Variants in MS4A10 observed in about 807,000 individuals in gnomAD.
The protein encoded by MS4A10 is membrane-spanning 4-domains subfamily A member 10.
MS4A10 carries 27 observed loss-of-function variants against 27.7 expected under a neutral mutation model. That is an observed-to-expected ratio of 0.98 (90% CI 0.72 to 1.35). The LOEUF is 1.35. MS4A10 is among the 40% of genes most tolerant of loss of function. The probability of loss-of-function intolerance (pLI) is 0.00; values close to 1 mark genes in which losing one functional copy is unlikely to be tolerated. For missense variants in MS4A10, 338 were observed against 324.7 expected, an observed-to-expected ratio of 1.04 and a Z score of -0.32; for synonymous variants, 139 against 131.2, an observed-to-expected ratio of 1.06 and a Z score of -0.41.
At chr11:60,798,821 C>A (rs913262923) in intron 7 of MS4A10, among the ~76,000 whole-genome samples, 1 of 152,218 alleles carries the variant, frequency 6.6e-6, no homozygotes, top group African/African-American at 2.4e-5. Flanking sequence ...CCAGAGCAAA[C>A]CCCTGGGCCT....
chr11:60,791,936 C>T (rs1002898562), intron 3 of MS4A10, among the ~76,000 whole-genome samples: 2 of 152,208 alleles, frequency 1.3e-5, no homozygotes, highest in Non-Finnish European at 2.9e-5. Flanking sequence ...GGGGATAGTG[C>T]CACTGATCCC....
intron 1 of MS4A10, among the ~76,000 whole-genome samples, chr11:60,787,713 G>A (rs555123392): frequency 1.3e-5 from 2 of 152,050 alleles, no homozygotes; most frequent in South Asian, 4.2e-4. Context: ...GTTAGACAAT[G>A]AGAAAAAAAA....
chr11:60,793,808 G>A (rs971677109), intron 4 of MS4A10, among the ~76,000 whole-genome samples, 164 bp from the exon 5 acceptor site: 6 of 152,236 alleles, frequency 3.9e-5, no homozygotes, highest in Non-Finnish European at 8.8e-5. Context: ...TCAATCCTGT[G>A]TGAGGGGCTG....
intron 1 of MS4A10, among the ~76,000 whole-genome samples, chr11:60,789,645 A>T (rs986109901): frequency 9.2e-5 from 14 of 152,230 alleles, no homozygotes; most frequent in African/African-American, 2.9e-4. Context: ...CAAGTGGCTT[A>T]ACCTTTCTGA....
intron 6 of MS4A10, among the ~76,000 whole-genome samples, chr11:60,796,849 AT>A (rs1166637729): frequency 2.0e-5 from 3 of 152,174 alleles, no homozygotes. Flanking sequence ...AAGAAAAAAA[AT>A]AAATAAAAAA....
At chr11:60,792,398 T>A in intron 4 of MS4A10, 77 bp downstream of exon 4, 1 of 1,126,436 alleles carries the variant, frequency 8.9e-7, no homozygotes, top group South Asian at 1.2e-5. Context: ...TCTGTAGGGG[T>A]GATTGTGAGG....
intron 7 of MS4A10, 65 bp downstream of exon 7, chr11:60,798,579 A>G: frequency 1.6e-6 from 2 of 1,261,320 alleles, no homozygotes; most frequent in South Asian, 1.2e-5. Context: ...TCTCCCTGGC[A>G]TAGATAGAAA....
At chr11:60,796,237 G>A (rs1024203084) in intron 6 of MS4A10, among the ~76,000 whole-genome samples, 23 of 147,120 alleles carry the variant, frequency 1.6e-4, no homozygotes, top group African/African-American at 4.9e-4. Context: ...GGATATAGAC[G>A]TGCAGATATA....
intron 5 of MS4A10, among the ~76,000 whole-genome samples, chr11:60,794,657 A>C (rs1398545983): frequency 6.6e-6 from 1 of 152,080 alleles, no homozygotes; most frequent in Non-Finnish European, 1.5e-5. Context: ...GCCAGGCTCC[A>C]AGAATTCTTT....
intron 3 of MS4A10, 55 bp downstream of exon 3, chr11:60,791,148 G>T: frequency 1.2e-6 from 2 of 1,603,326 alleles, no homozygotes; most frequent in African/African-American, 1.3e-5. Context: ...GCAGGCCTGG[G>T]AGGCCCTGGC....
chr11:60,799,872 C>T lies in MS4A10; in HGVS notation c.767C>T (p.Thr256Ile), dbSNP rs373775637. The T allele has an allele frequency of 4.5e-5, 73 of 1,612,206 alleles. No homozygotes were observed. Among genetic ancestry groups the T allele is most frequent in the Non-Finnish European group, 5.7e-5 (67 of 1,178,600 alleles). ...GTTGCCCCGGACACATGGATAGTCA[C>T]TGACGGAGCTGCGATCTGGACCCAG... ...KQVAPDTWIVTDGAAIWTQTA... is the reference protein window; with the variant it reads ...KQVAPDTWIVIDGAAIWTQTA... Residue 256 changes from threonine (T) to isoleucine (I), a missense_variant, in exon 8 of 8, where the codon ACT becomes ATT. Physicochemically the swap from Thr to Ile is moderately conservative, Grantham distance 89. Transcript: ENST00000308287.
At chr11:60,798,289 T>A in intron 6 of MS4A10, 107 bp from the exon 7 acceptor site, 1 of 841,492 alleles carries the variant, frequency 1.2e-6, no homozygotes, top group Non-Finnish European at 1.9e-6. Context: ...TTCCCCACAT[T>A]CATGGAGAAC....
At chr11:60,792,239 C>G (rs1590997881) in intron 3 of MS4A10, 26 bp from the exon 4 acceptor site, 1 of 1,607,436 alleles carries the variant, frequency 6.2e-7, no homozygotes, top group East Asian at 2.2e-5. Context: ...AGCTTCTCTC[C>G]TTTGACTTTC....
intron 4 of MS4A10, among the ~76,000 whole-genome samples, chr11:60,793,392 G>A (rs777478566): frequency 4.6e-5 from 7 of 152,338 alleles, no homozygotes; most frequent in Non-Finnish European, 8.8e-5. Context: ...GATTCCATAT[G>A]TGCATAGTCT....
At position 60,800,068 on chromosome 11, in the gene MS4A10, T is replaced by C; in HGVS notation, c.*159T>C. On this transcript the variant is annotated 3_prime_UTR_variant, in exon 8 of 8. Coordinates refer to ENST00000308287, the MANE Select transcript of MS4A10 (RefSeq NM_206893.4). Reference sequence around the variant, plus strand: ...CTCACAGCTCCTGGGAACGCTGTCCTCTCAGATAAGCCATTTCTTACATAG... The same window carrying C: ...CTCACAGCTCCTGGGAACGCTGTCCCCTCAGATAAGCCATTTCTTACATAG... 1 of 1,058,174 alleles carries C rather than the reference T, an allele frequency of 9.5e-7. No homozygotes were observed. Among genetic ancestry groups the C allele is most frequent in the Non-Finnish European group, 1.4e-6 (1 of 731,904 alleles). The allele number at this position is 1,058,174 out of a possible 1,614,324, so 65.5% of individuals were successfully genotyped here.
At chr11:60,786,004 A>G (rs1854328876) in intron 1 of MS4A10, among the ~76,000 whole-genome samples, 1 of 152,042 alleles carries the variant, frequency 6.6e-6, no homozygotes, top group Non-Finnish European at 1.5e-5. Context: ...CTGGTTCAGT[A>G]CAGTCGTAGG....
chr11:60,789,432 A>G (rs1247636940), intron 1 of MS4A10, among the ~76,000 whole-genome samples: 1 of 152,154 alleles, frequency 6.6e-6, no homozygotes, highest in African/African-American at 2.4e-5. Context: ...GTCAGTATAC[A>G]CTATACCAGG....
chr11:60,794,410 C>T (rs1397936494), intron 5 of MS4A10, among the ~76,000 whole-genome samples: 4 of 152,252 alleles, frequency 2.6e-5, no homozygotes, highest in Non-Finnish European at 5.9e-5. Context: ...CAGCCTAAAA[C>T]TGCTGATTTC....
chr11:60,796,523 T>C (rs1164512802), intron 6 of MS4A10, among the ~76,000 whole-genome samples: 1 of 152,162 alleles, frequency 6.6e-6, no homozygotes, highest in Non-Finnish European at 1.5e-5. Context: ...TGACCTCAAG[T>C]GATCCACCAC....
Sources: allele counts gnomAD v4.1 joint callset (sites outside exome capture counted in the v4.1 genomes callset), GRCh38; gene constraint gnomAD v4.1.1; transcripts MANE v1.5; gene names NCBI Gene and HGNC (gene_info 2026-07-23, HGNC 2026-07-21).